The following DEPTOR variants were observed in gnomAD, a reference collection of about 807,000 sequenced individuals.
DEPTOR encodes DEP domain containing MTOR interacting protein.
In DEPTOR, 41 loss-of-function variants were observed where a neutral mutation model predicts 41.6. The observed-to-expected ratio is 0.98, with a 90% CI of 0.77 to 1.28. DEPTOR has a LOEUF of 1.28. DEPTOR is among the 50% of genes most tolerant of loss of function. The probability of loss-of-function intolerance (pLI) is 0.00; values close to 1 mark genes in which losing one functional copy is unlikely to be tolerated. For missense variants in DEPTOR, 514 were observed against 527.9 expected, an observed-to-expected ratio of 0.97 and a Z score of 0.26; for synonymous variants, 195 against 192.3, an observed-to-expected ratio of 1.01 and a Z score of -0.12.
Position 120,023,142 on chromosome 8 carries a change from A to G in DEPTOR, c.1101+14009A>G, listed in dbSNP as rs190018938. On this transcript the variant is annotated intron_variant, in intron 8 of 8. Coordinates refer to ENST00000286234, the MANE Select transcript of DEPTOR (RefSeq NM_022783.4). ...CACTGTGTGTCCACAAGGAAGATAG[A>G]GACAGTGAGCTGTTTGGCATCTTTT... Among the ~76,000 whole-genome samples the G allele has an allele frequency of 2.2e-3, 339 of 152,340 alleles. 3 individuals carry two copies. The highest frequency in any genetic ancestry group is 7.9e-3 in the African/African-American group (327 of 41,588).
intron 4 of DEPTOR, among the ~76,000 whole-genome samples, chr8:119,985,223 T>C (rs1446740726): frequency 6.6e-6 from 1 of 152,158 alleles, no homozygotes. Context: ...ATCTATTGTT[T>C]CCCAACTTTT....
intron 4 of DEPTOR, among the ~76,000 whole-genome samples, chr8:119,991,066 CTTTCTTTCTTTCTTTCTTTCTT>C (rs71306851): frequency 0.031 from 2,245 of 72,472 alleles, 69 homozygotes; most frequent in Middle Eastern, 0.064. Context: ...TTCTTTCTTT[CTTTCTTTCTTTCTTTCTTTCTT>C]TTTCTTTCTT....
chr8:119,895,671 C>T (rs4871773), intron 1 of DEPTOR, among the ~76,000 whole-genome samples: 75,755 of 152,050 alleles, frequency 0.5, 20,595 homozygotes, highest in East Asian at 0.92. Context: ...CCCAGCCCAC[C>T]CACAGCCTAG....
intron 3 of DEPTOR, among the ~76,000 whole-genome samples, chr8:119,959,158 CTTTT>C (rs60202859): frequency 0.034 from 3,841 of 114,542 alleles, 25 homozygotes; most frequent in African/African-American, 0.041. Flanking sequence ...TTCTTTCTTT[CTTTT>C]TTTTTTTTTT....
intron 8 of DEPTOR, among the ~76,000 whole-genome samples, chr8:120,019,328 A>G (rs1812660922): frequency 6.6e-6 from 1 of 152,070 alleles, no homozygotes; most frequent in Non-Finnish European, 1.5e-5. Context: ...AATAAAATAA[A>G]ATGCATACCT....
chr8:119,888,954 G>T (rs1288725301), intron 1 of DEPTOR, among the ~76,000 whole-genome samples: 1 of 151,900 alleles, frequency 6.6e-6, no homozygotes, highest in African/African-American at 2.4e-5. Flanking sequence ...TATCATATAG[G>T]AGTGGGAGTT....
chr8:119,963,725 G>C (rs1828520646), intron 3 of DEPTOR, among the ~76,000 whole-genome samples: 1 of 152,142 alleles, frequency 6.6e-6, no homozygotes. Flanking sequence ...TGGATGCATA[G>C]GGGAACACTT....
At chr8:120,038,131 T>A (rs761680500) in intron 8 of DEPTOR, among the ~76,000 whole-genome samples, 6 of 150,584 alleles carry the variant, frequency 4.0e-5, no homozygotes, top group Non-Finnish European at 8.8e-5. Flanking sequence ...TAGCCAGATG[T>A]GGTGGTGCAC....
chr8:119,963,358 T>G (rs941520177), intron 3 of DEPTOR, among the ~76,000 whole-genome samples: 15 of 135,308 alleles, frequency 1.1e-4, no homozygotes, highest in Non-Finnish European at 2.1e-4. Context: ...TTTTGTTTTG[T>G]TTTTTTTTTT....
intron 8 of DEPTOR, among the ~76,000 whole-genome samples, chr8:120,009,848 G>A (rs113628018): frequency 2.6e-5 from 4 of 152,176 alleles, no homozygotes; most frequent in African/African-American, 9.6e-5. Flanking sequence ...GTGTTTGGAG[G>A]TTTGGTCTCC....
Position 120,003,005 on chromosome 8 carries a change from G to C in DEPTOR, c.819G>C (p.Val273=), listed in dbSNP as rs1299252839. Residue 273 remains valine (V), a synonymous_variant, in exon 6 of 9, where the codon GTG becomes GTC. Transcript: ENST00000286234. The part of the protein sequence containing the change: ...SVSPSKEIKI[V]SAVRRSSMSS... ...GCCCCAGCAAGGAGATCAAGATCGTGTCTGCAGTGAGGAGAAGCAGCATGA... is the reference window on the plus strand; with the variant it reads ...GCCCCAGCAAGGAGATCAAGATCGTCTCTGCAGTGAGGAGAAGCAGCATGA... The C allele has an allele frequency of 6.3e-7, 1 of 1,591,498 alleles. No homozygotes were observed. Among genetic ancestry groups the C allele is most frequent in the Non-Finnish European group, 8.5e-7 (1 of 1,169,706 alleles).
chr8:119,919,239 T>C (rs1827858814), intron 1 of DEPTOR, among the ~76,000 whole-genome samples: 1 of 152,154 alleles, frequency 6.6e-6, no homozygotes, highest in African/African-American at 2.4e-5. Flanking sequence ...CATAGGCAGC[T>C]ATTATATTAG....
At chr8:119,874,059 G>C in intron 1 of DEPTOR, 91 bp downstream of exon 1, 3 of 1,571,618 alleles carry the variant, frequency 1.9e-6, no homozygotes, top group Non-Finnish European at 2.6e-6. Flanking sequence ...CTGGCTCGTG[G>C]CTTGCGACTC....
chr8:120,040,966 C>A (rs1813058397), intron 8 of DEPTOR, among the ~76,000 whole-genome samples: 2 of 152,202 alleles, frequency 1.3e-5, no homozygotes, highest in South Asian at 4.1e-4. Flanking sequence ...TCTCCCTGGT[C>A]ATTTTCCACA....
chr8:119,918,402 A>G (rs1047837342), intron 1 of DEPTOR, among the ~76,000 whole-genome samples: 1 of 152,160 alleles, frequency 6.6e-6, no homozygotes, highest in Admixed American at 6.6e-5. Context: ...TTTTATTCAC[A>G]GAGCCATTGC....
In DEPTOR at chr8:119,908,653, A is replaced by T. The variant is rs182154875; in HGVS notation, c.123-19747A>T. On this transcript the variant is annotated intron_variant, in intron 1 of 8. Coordinates refer to ENST00000286234, the MANE Select transcript of DEPTOR (RefSeq NM_022783.4). ...GTAGCTGGGACTACAGGCATGCGTC[A>T]TCCCGCCTGGCTAATTTTTGTATTT... 2.9e-3 allele frequency among the ~76,000 whole-genome samples: 433 copies of T among 151,368 alleles called. 9 individuals are homozygous for T. Among genetic ancestry groups the T allele is most frequent in the Admixed American group, 0.014 (211 of 15,248 alleles).
chr8:120,013,731 T>C (rs2130116129), intron 8 of DEPTOR, among the ~76,000 whole-genome samples: 1 of 152,324 alleles, frequency 6.6e-6, no homozygotes, highest in Middle Eastern at 3.4e-3. Context: ...AGGCTCTCCC[T>C]TTAGTCAGGG....
intron 1 of DEPTOR, among the ~76,000 whole-genome samples, chr8:119,918,675 G>T (rs893694985): frequency 2.6e-5 from 4 of 152,144 alleles, no homozygotes; most frequent in Non-Finnish European, 5.9e-5. Context: ...TGGCCAGGAT[G>T]GTCTTGATCT....
intron 4 of DEPTOR, among the ~76,000 whole-genome samples, chr8:119,969,163 C>T (rs1012105569): frequency 1.3e-5 from 2 of 151,740 alleles, no homozygotes; most frequent in African/African-American, 4.8e-5. Flanking sequence ...GATGTACTGA[C>T]CCACACTGTA....
Sources: allele counts gnomAD v4.1 joint callset (sites outside exome capture counted in the v4.1 genomes callset), GRCh38; gene constraint gnomAD v4.1.1; transcripts MANE v1.5; gene names NCBI Gene and HGNC (gene_info 2026-07-23, HGNC 2026-07-21).